The following GSG1 variants were observed in gnomAD, a reference collection of about 807,000 sequenced individuals.
The protein encoded by GSG1 is germ cell-specific gene 1 protein.
Under a neutral mutation model 30.8 loss-of-function variants are expected in GSG1, and 28 were observed. That is an observed-to-expected ratio of 0.91 (90% confidence interval 0.67 to 1.25). GSG1 has a LOEUF of 1.25. Ranked by LOEUF, GSG1 falls within the 50% of genes most tolerant of loss-of-function variation. GSG1 has a pLI of 0.00. For synonymous variants in GSG1, 162 were observed against 178.0 expected, an observed-to-expected ratio of 0.91 and a Z score of 0.71; for missense variants, 435 against 444.7, an observed-to-expected ratio of 0.98 and a Z score of 0.20.
At chr12:13,091,270 C>T (rs1212977564) in intron 1 of GSG1, among the ~76,000 whole-genome samples, 2 of 152,212 alleles carry the variant, frequency 1.3e-5, no homozygotes, top group Non-Finnish European at 2.9e-5. Flanking sequence ...GGTTATCTGA[C>T]CTAGCTTGTG....
chr12:13,090,147 A>G (rs1309448737), intron 2 of GSG1, among the ~76,000 whole-genome samples: 2 of 152,258 alleles, frequency 1.3e-5, no homozygotes, highest in Admixed American at 1.3e-4. Context: ...GTTTCTAAAC[A>G]GCAATTCTAG....
intron 4 of GSG1, chr12:13,088,660 G>T: frequency 1.5e-6 from 2 of 1,303,976 alleles, no homozygotes; most frequent in South Asian, 1.4e-5. Flanking sequence ...AGAGAAAAGT[G>T]GGAGATCACA....
chr12:13,087,197 GGACCCAAGTT>G lies in GSG1; in HGVS notation c.691_700del (p.Asn231GlnfsTer79), dbSNP rs757662033. 1 of 1,614,074 alleles carries G rather than the reference GGACCCAAGTT, an allele frequency of 6.2e-7. No individual in the cohort carries two copies. Among genetic ancestry groups the G allele is most frequent in the Non-Finnish European group, 8.5e-7 (1 of 1,179,936 alleles). ...CCAAACATGTGGTCTCCAGTCTTCT[GGACCCAAGTT>G]GACAGTCGCTTGGAAGACTTGTGAA... is the stretch of plus-strand genomic sequence containing the variant. On this transcript the variant is annotated frameshift_variant, in exon 6 of 7. Transcript: ENST00000651961. LOFTEE classifies it low-confidence loss of function (END_TRUNC).
intron 1 of GSG1, among the ~76,000 whole-genome samples, chr12:13,100,669 T>G (rs2120981665): frequency 6.6e-6 from 1 of 152,326 alleles, no homozygotes; most frequent in African/African-American, 2.4e-5. Context: ...CCTTATACTC[T>G]TTCACTGATG....
At position 13,083,685 on chromosome 12, in the gene GSG1, CT is replaced by C. The variant is rs1865284072; in HGVS notation, c.*1215del. On this transcript the variant is annotated 3_prime_UTR_variant, in exon 7 of 7. Transcript: ENST00000651961. ...TATCTCCTAATGCTATCCCTCCCCCCTCCCCCCACCCCATGACAGGCCCGGT... is the reference window on the plus strand; with the variant it reads ...TATCTCCTAATGCTATCCCTCCCCCCCCCCCCACCCCATGACAGGCCCGGT... The C allele has an allele frequency of 8.5e-6, 1 of 117,934 alleles. No individual in the cohort carries two copies. Among genetic ancestry groups the C allele is most frequent in the Admixed American group, 9.2e-5 (1 of 10,822 alleles). The allele number at this position is 117,934 out of a possible 1,614,324, so 7.3% of individuals were successfully genotyped here. A position where few individuals can be genotyped will look rare whatever the true frequency, so the allele number is the denominator to read the frequency against.
rs1267099649 is a variant in GSG1, at chr12:13,087,370, G to T, written c.635-107C>A. The T allele has an allele frequency of 1.0e-5, 8 of 769,452 alleles. No individual in the cohort carries two copies. In the East Asian group the frequency reaches 1.5e-4, roughly 14 times the overall value. The allele number at this position is 769,452 out of a possible 1,614,324, so 47.7% of individuals were successfully genotyped here. A position where few individuals can be genotyped will look rare whatever the true frequency, so the allele number is the denominator to read the frequency against. ...CTTGCAGTCAGGCGCAGCCTCTGTT[G>T]GAGTAGCCCATTACCCTATGCCACC... On this transcript the variant is annotated intron_variant, in intron 5 of 6. Coordinates refer to ENST00000651961, the MANE Select transcript of GSG1 (RefSeq NM_001080555.4).
chr12:13,095,677 A>G lies in GSG1; in HGVS notation c.49-4859T>C, dbSNP rs973140334. 3.1e-6 allele frequency: 5 copies of G among 1,612,800 alleles called. No homozygotes were observed. The African/African-American group carries it at 6.7e-5, about 22-fold the overall frequency. On this transcript the variant is annotated intron_variant, in intron 1 of 6. Coordinates refer to ENST00000651961, the MANE Select transcript of GSG1 (RefSeq NM_001080555.4). ...CTGCACTCCAAGTCCCTTTGGTTTAATGTTGCAAGAATGCAAACTGTCTTC... is the reference window on the plus strand; with the variant it reads ...CTGCACTCCAAGTCCCTTTGGTTTAGTGTTGCAAGAATGCAAACTGTCTTC...
rs1565534672 is a variant in GSG1, at chr12:13,090,581, T to G, written c.286A>C (p.Thr96Pro). Residue 96 changes from threonine to proline, a missense_variant, in exon 2 of 7, where the codon ACT becomes CCT. Coordinates refer to ENST00000651961, the MANE Select transcript of GSG1 (RefSeq NM_001080555.4). The stretch of plus-strand genomic sequence containing the variant: ...CGGAAGGAGAACCGGTCATCCCCAG[T>G]CTCCCAGTTGTATTGTACCACCTCC... ...TQEVVQYNWE[T>P]GDDRFSFRSF... The G allele has an allele frequency of 6.2e-7, 1 of 1,614,178 alleles. No individual in the cohort carries two copies. The highest frequency in any genetic ancestry group is 8.5e-7 in the Non-Finnish European group (1 of 1,180,028).
chr12:13,098,702 C>G (rs1862931165), intron 1 of GSG1, among the ~76,000 whole-genome samples: 1 of 152,070 alleles, frequency 6.6e-6, no homozygotes, highest in African/African-American at 2.4e-5. Flanking sequence ...CAAATACTTG[C>G]AGACACTTCT....
At chr12:13,095,314 T>C (rs1470561193) in intron 1 of GSG1, among the ~76,000 whole-genome samples, 2 of 152,130 alleles carry the variant, frequency 1.3e-5, no homozygotes, top group Non-Finnish European at 2.9e-5. Context: ...AGAACAACTC[T>C]ATCTTTGTGT....
chr12:13,102,938 A>G (rs1863321086), intron 1 of GSG1, among the ~76,000 whole-genome samples: 1 of 152,238 alleles, frequency 6.6e-6, no homozygotes, highest in South Asian at 2.1e-4. Flanking sequence ...GACGAGAAAG[A>G]GCTTGACTGT....
intron 1 of GSG1, among the ~76,000 whole-genome samples, chr12:13,091,509 G>A (rs1373783747): frequency 6.6e-6 from 1 of 152,216 alleles, no homozygotes; most frequent in African/African-American, 2.4e-5. Context: ...TTCATGACCA[G>A]CCTGGGTAAC....
Position 13,090,719 on chromosome 12 carries a change from A to T in GSG1, c.148T>A (p.Tyr50Asn), listed in dbSNP as rs145215999. The change falls in exon 2 of 7, where the codon TAC becomes AAC. Residue 50 changes from tyrosine to asparagine, a missense_variant. Physicochemically the swap from Tyr to Asn is moderately radical, Grantham distance 143. Coordinates refer to ENST00000651961, the MANE Select transcript of GSG1 (RefSeq NM_001080555.4). The stretch of plus-strand genomic sequence containing the variant: ...ACCTTCTGTGTGCCCACAAACCAGT[A>T]GTTGCTGAGCAGGGATGTTGTGGAG... The part of the protein sequence containing the change: ...SFSTTSLLSN[Y>N]WFVGTQKVPK... The T allele has an allele frequency of 1.2e-6, 2 of 1,614,126 alleles. No individual in the cohort carries two copies. The highest frequency in any genetic ancestry group is 1.3e-5 in the African/African-American group (1 of 74,944).
chr12:13,099,448 C>T (rs967235407), intron 1 of GSG1, among the ~76,000 whole-genome samples: 1 of 152,204 alleles, frequency 6.6e-6, no homozygotes, highest in Non-Finnish European at 1.5e-5. Context: ...ATATGCACTT[C>T]ACCATTTATG....
At position 13,084,064 on chromosome 12, in the gene GSG1, T is replaced by A. The variant is rs1383372187; in HGVS notation, c.*837A>T. ...GGTATCTACCCAGTAATGGGATGGC[T>A]GGGTCAAATGGTATTTCTAGGTCTA... On this transcript the variant is annotated 3_prime_UTR_variant, in exon 7 of 7. Coordinates refer to ENST00000651961, the MANE Select transcript of GSG1 (RefSeq NM_001080555.4). 3 of 152,094 alleles carry A rather than the reference T, an allele frequency of 2.0e-5. No homozygotes were observed. The highest frequency in any genetic ancestry group is 4.8e-5 in the African/African-American group (2 of 41,420). 9.4% of individuals were successfully genotyped at this position (152,094 alleles called of 1,614,324 possible).
chr12:13,098,329 G>T (rs941839215), intron 1 of GSG1, among the ~76,000 whole-genome samples: 7 of 151,568 alleles, frequency 4.6e-5, no homozygotes, highest in Admixed American at 1.3e-4. Flanking sequence ...TTTTAATTTG[G>T]CATCCTCCCT....
intron 1 of GSG1, among the ~76,000 whole-genome samples, chr12:13,098,456 ATTTTTTTTTTTTT>A (rs771887535): frequency 1.1e-3 from 53 of 47,398 alleles, no homozygotes; most frequent in African/African-American, 3.6e-3. Flanking sequence ...CATGTAGCCC[ATTTTTTTTTTTTT>A]TTTTTTTTTT....
intron 1 of GSG1, among the ~76,000 whole-genome samples, chr12:13,097,719 T>G (rs2120921429): frequency 6.6e-6 from 1 of 152,294 alleles, no homozygotes; most frequent in East Asian, 1.9e-4. Flanking sequence ...AATTGGTAAT[T>G]TTAGAAAGTT....
intron 1 of GSG1, among the ~76,000 whole-genome samples, chr12:13,094,370 AAT>A (rs1318304324): frequency 2.6e-5 from 4 of 152,240 alleles, no homozygotes; most frequent in Admixed American, 2.6e-4. Flanking sequence ...GCAATCTGCT[AAT>A]ATGATTTTAC....
Sources: allele counts gnomAD v4.1 joint callset (sites outside exome capture counted in the v4.1 genomes callset), GRCh38; gene constraint gnomAD v4.1.1; transcripts MANE v1.5; gene names NCBI Gene and HGNC (gene_info 2026-07-23, HGNC 2026-07-21).